Variants in NBAS observed in about 807,000 individuals in gnomAD.
NBAS encodes NAG/BC035112 fusion.
Under a neutral mutation model 302.5 loss-of-function variants are expected in NBAS, and 219 were observed. The observed-to-expected ratio is 0.72, with a 90% confidence interval of 0.65 to 0.81. The LOEUF is 0.81. NBAS is among the 30% of genes least tolerant of loss of function. The pLI is 0.00. For missense variants in NBAS, 2,932 were observed against 2,841.6 expected, an observed-to-expected ratio of 1.03 and a Z score of -0.72; for synonymous variants, 1,118 against 1,021.6, an observed-to-expected ratio of 1.09 and a Z score of -1.80.
At chr2:14,872,653 G>A in the NBAS span, among the ~76,000 whole-genome samples, 1 of 152,022 alleles carries the variant, frequency 6.6e-6, no homozygotes, top group African/African-American at 2.4e-5. Context: ...GCACTTAAAG[G>A]CAGCACTTCT....
At chr2:14,957,754 C>G in the NBAS span, among the ~76,000 whole-genome samples, 203 of 152,306 alleles carry the variant, frequency 1.3e-3, no homozygotes, top group African/African-American at 4.7e-3. Context: ...CATGTAGCTA[C>G]AGATAAGTCA....
the NBAS span, among the ~76,000 whole-genome samples, chr2:14,829,384 C>T: frequency 6.6e-6 from 1 of 152,100 alleles, no homozygotes; most frequent in Non-Finnish European, 1.5e-5. Flanking sequence ...CCAATCTTCT[C>T]CTGTATCTAC....
intron 44 of NBAS, among the ~76,000 whole-genome samples, chr2:15,274,621 G>A (rs143970669): frequency 2.6e-5 from 4 of 152,306 alleles, no homozygotes; most frequent in Non-Finnish European, 5.9e-5. Flanking sequence ...TATTCTGAGT[G>A]AGGCTACACA....
chr2:15,448,978 C>T (rs1471263868), intron 21 of NBAS, among the ~76,000 whole-genome samples: 2 of 152,046 alleles, frequency 1.3e-5, no homozygotes, highest in Non-Finnish European at 2.9e-5. Flanking sequence ...AAGAAGCACA[C>T]ATTCTGAAAT....
At chr2:14,783,069 C>T in the NBAS span, among the ~76,000 whole-genome samples, 1 of 151,968 alleles carries the variant, frequency 6.6e-6, no homozygotes, top group African/African-American at 2.4e-5. Flanking sequence ...GAAAAGTTTA[C>T]CTATATAACA....
intron 51 of NBAS, among the ~76,000 whole-genome samples, chr2:15,168,848 C>T (rs1432848384): frequency 6.6e-6 from 1 of 152,156 alleles, no homozygotes; most frequent in Non-Finnish European, 1.5e-5. Context: ...AGGCTGGTCT[C>T]GAACTCCTGA....
At chr2:15,375,833 T>C (rs1193197868) in intron 30 of NBAS, among the ~76,000 whole-genome samples, 2 of 151,878 alleles carry the variant, frequency 1.3e-5, no homozygotes, top group Non-Finnish European at 2.9e-5. Context: ...AATTATATAA[T>C]GGAATGTTCT....
At chr2:15,113,360 T>TGTGTGTGTGTGC in the NBAS span, among the ~76,000 whole-genome samples, 1 of 149,978 alleles carries the variant, frequency 6.7e-6, no homozygotes, top group Non-Finnish European at 1.5e-5. Flanking sequence ...TGTGTGTGTG[T>TGTGTGTGTGTGC]GTATCCTAGC....
At chr2:14,954,619 G>A in the NBAS span, among the ~76,000 whole-genome samples, 1 of 152,124 alleles carries the variant, frequency 6.6e-6, no homozygotes, top group Non-Finnish European at 1.5e-5. Context: ...CTGTATGGCT[G>A]GGAAGACCTC....
the NBAS span, among the ~76,000 whole-genome samples, chr2:15,019,713 C>T: frequency 3.3e-5 from 5 of 152,010 alleles, no homozygotes; most frequent in Admixed American, 2.0e-4. Flanking sequence ...GGAGTTAATT[C>T]GTTCATGAGG....
chr2:14,864,762 T>A, the NBAS span, among the ~76,000 whole-genome samples: 2 of 152,166 alleles, frequency 1.3e-5, no homozygotes, highest in Non-Finnish European at 1.5e-5. Flanking sequence ...CTGACTCAGT[T>A]AAAGCATCTG....
chr2:14,848,017 G>A, the NBAS span, among the ~76,000 whole-genome samples: 1 of 152,172 alleles, frequency 6.6e-6, no homozygotes, highest in Non-Finnish European at 1.5e-5. Flanking sequence ...TAAAAAATAT[G>A]CTCCTGAATG....
At chr2:15,070,584 C>T in the NBAS span, among the ~76,000 whole-genome samples, 5 of 152,120 alleles carry the variant, frequency 3.3e-5, no homozygotes, top group Admixed American at 6.5e-5. Flanking sequence ...TCCTGCCCTA[C>T]AGCTAACACT....
intron 35 of NBAS, among the ~76,000 whole-genome samples, chr2:15,339,184 A>G (rs551447311): frequency 1.3e-5 from 2 of 152,218 alleles, no homozygotes; most frequent in South Asian, 4.2e-4. Context: ...TTTTAAAATT[A>G]CTTTTGATAA....
chr2:14,983,835 G>A, the NBAS span, among the ~76,000 whole-genome samples: 2 of 152,252 alleles, frequency 1.3e-5, no homozygotes, highest in South Asian at 4.2e-4. Context: ...AAACCCCTTC[G>A]TGGGAGTTTT....
chr2:15,511,382 A>G, intron 9 of NBAS, 32 bp from the exon 10 acceptor site: 1 of 1,597,204 alleles, frequency 6.3e-7, no homozygotes, highest in South Asian at 1.1e-5. Context: ...AAAATCGATA[A>G]ATTGCAAATA....
the NBAS span, among the ~76,000 whole-genome samples, chr2:15,118,337 T>G: frequency 1.3e-3 from 204 of 152,316 alleles, 3 homozygotes; most frequent in African/African-American, 4.7e-3. Context: ...GGGTCAGACA[T>G]AGGCAAAGCA....
intron 21 of NBAS, among the ~76,000 whole-genome samples, chr2:15,444,513 T>A (rs948062810): frequency 3.9e-5 from 6 of 151,984 alleles, no homozygotes; most frequent in African/African-American, 1.5e-4. Context: ...TCAAGATGGA[T>A]TAAAGACTTA....
chr2:15,130,629 T>A, the NBAS span, among the ~76,000 whole-genome samples: 20 of 152,390 alleles, frequency 1.3e-4, no homozygotes, highest in African/African-American at 3.8e-4. Flanking sequence ...GCCCCCAAAC[T>A]GGAGAGCTGA....
Sources: gnomAD v4.1 joint callset for allele counts (sites outside exome capture counted in the v4.1 genomes callset) on GRCh38, gnomAD v4.1.1 for gene constraint, MANE v1.5 for transcripts, NCBI Gene and HGNC (gene_info 2026-07-23, HGNC 2026-07-21) for gene names.